SLC5A2: variants seen among roughly 807,000 people sequenced by gnomAD.
SLC5A2 encodes sodium/glucose cotransporter 2.
A neutral mutation model predicts 69.0 loss-of-function variants in SLC5A2; 67 were observed. That is an observed-to-expected ratio of 0.97 (90% CI 0.80 to 1.19). The LOEUF (loss-of-function observed/expected upper bound fraction) is 1.19. Among genes scored for constraint, SLC5A2 ranks in the 50% most tolerant of loss-of-function variants. SLC5A2 has a pLI of 0.00. For missense variants in SLC5A2, 1,001 were observed against 921.5 expected (o/e 1.09, Z -1.12); for synonymous variants, 455 against 395.8 (o/e 1.15, Z -1.78).
At chr16:31,485,136 G>C in intron 3 of SLC5A2, 1 of 650,200 alleles carries the variant, frequency 1.5e-6, no homozygotes, top group Non-Finnish European at 2.8e-6. Flanking sequence ...GACTTGCCAT[G>C]TGAGCCAGCC....
Position 31,485,873 on chromosome 16 carries a change from T to A in SLC5A2, c.448T>A (p.Tyr150Asn). 1 of 1,613,632 alleles carries A rather than the reference T, an allele frequency of 6.2e-7. No homozygotes were observed. The highest frequency in any genetic ancestry group is 1.1e-5 in the South Asian group (1 of 91,084). ...LYLSVLSLFL[Y>N]IFTKISVDMF... is the part of the protein sequence containing the mutation. Reference sequence around the variant, plus strand: ...CCTGTCTGTGCTCTCCCTTTTCCTGTACATCTTCACCAAGATCTCAGTGAG... The same window carrying A: ...CCTGTCTGTGCTCTCCCTTTTCCTGAACATCTTCACCAAGATCTCAGTGAG... The change falls in exon 4 of 14, where the codon TAC becomes AAC. Residue 150 changes from tyrosine to asparagine, a missense_variant. Transcript: ENST00000330498.
At position 31,490,573 on chromosome 16, in the gene SLC5A2, AG is replaced by A. The variant is rs2082557529; in HGVS notation, c.*40del. 6.5e-7 allele frequency: 1 copy of A among 1,536,016 alleles called. No homozygotes were observed. Among genetic ancestry groups the A allele is most frequent in the Non-Finnish European group, 8.9e-7 (1 of 1,120,006 alleles). ...TGGACACCATAAGCCACAGCCTCACAGGAAGTGGGGGTGAGGAGCCTGCGGT... is the reference window on the plus strand; with the variant it reads ...TGGACACCATAAGCCACAGCCTCACAGAAGTGGGGGTGAGGAGCCTGCGGT... On this transcript the variant is annotated 3_prime_UTR_variant, in exon 14 of 14. Transcript: ENST00000330498.
chr16:31,485,560 CTCTGT>C (rs761106829), intron 3 of SLC5A2, 164 bp from the exon 4 acceptor site: 293 of 724,834 alleles, frequency 4.0e-4, no homozygotes, highest in Non-Finnish European at 5.8e-4. Context: ...AGGGTGTCAG[CTCTGT>C]TCCTTGGTGC....
At chr16:31,483,860 T>A (rs1450008697) in intron 1 of SLC5A2, among the ~76,000 whole-genome samples, 1 of 151,908 alleles carries the variant, frequency 6.6e-6, no homozygotes, top group Non-Finnish European at 1.5e-5. Flanking sequence ...GTGCTGGGAT[T>A]ACAGATGTGA....
chr16:31,485,345 T>C (rs1003723104), intron 3 of SLC5A2: 2 of 442,038 alleles, frequency 4.5e-6, no homozygotes, highest in Non-Finnish European at 8.4e-6. Flanking sequence ...GAGGGGAGAT[T>C]GGGCTTTGAG....
chr16:31,490,567 C>A lies in SLC5A2; in HGVS notation c.*32C>A, dbSNP rs933896617. ...CTGCGTTGGACACCATAAGCCACAGCCTCACAGGAAGTGGGGGTGAGGAGC... is the reference window on the plus strand; with the variant it reads ...CTGCGTTGGACACCATAAGCCACAGACTCACAGGAAGTGGGGGTGAGGAGC... On this transcript the variant is annotated 3_prime_UTR_variant, in exon 14 of 14. Transcript: ENST00000330498. 1 of 1,554,270 alleles carries A rather than the reference C, an allele frequency of 6.4e-7. No homozygotes were observed. Among genetic ancestry groups the A allele is most frequent in the African/African-American group, 1.4e-5 (1 of 74,020 alleles).
At chr16:31,488,266 G>A (rs979531804) in intron 8 of SLC5A2, 93 bp downstream of exon 8, 8 of 1,606,196 alleles carry the variant, frequency 5.0e-6, no homozygotes, top group African/African-American at 4.0e-5. Flanking sequence ...GTTTGGGCCC[G>A]GAGTCCCGCC....
rs142842975 is a variant in SLC5A2, at chr16:31,483,193, G to C, written c.57G>C (p.Leu19=). 6.2e-7 allele frequency: 1 copy of C among 1,613,952 alleles called. No individual in the cohort carries two copies. The highest frequency in any genetic ancestry group is 1.3e-5 in the African/African-American group (1 of 74,940). Residue 19 remains leucine, a synonymous_variant, in exon 1 of 14, where the codon CTG becomes CTC. Coordinates refer to ENST00000330498, the MANE Select transcript of SLC5A2 (RefSeq NM_003041.4). The part of the protein sequence containing the change: ...SAPEMGAQKA[L]IDNPADILVI... ...CAGAGATGGGGGCCCAGAAGGCCCTGATTGACAATCCTGCTGACATCCTAG... is the reference window on the plus strand; with the variant it reads ...CAGAGATGGGGGCCCAGAAGGCCCTCATTGACAATCCTGCTGACATCCTAG...
rs747295969 is a variant in SLC5A2, at chr16:31,487,576, G to C, written c.702G>C (p.Leu234=). ...GGYSGLFDKY[L]GAATSLTVSE... The stretch of plus-strand genomic sequence containing the variant: ...ATTCGGGTCTCTTCGACAAATACCT[G>C]GGAGCAGCGACTTCGCTGACGGTGT... The change falls in exon 7 of 14, where the codon CTG becomes CTC. Residue 234 remains leucine, a synonymous_variant. Transcript: ENST00000330498. 7.4e-6 allele frequency: 12 copies of C among 1,613,936 alleles called. No homozygotes were observed. In the East Asian group the frequency reaches 2.7e-4, roughly 36 times the overall value.
intron 1 of SLC5A2, among the ~76,000 whole-genome samples, chr16:31,483,516 A>C (rs1264812008): frequency 2.0e-5 from 3 of 152,142 alleles, no homozygotes; most frequent in African/African-American, 7.2e-5. Flanking sequence ...ATGGGGTCTC[A>C]TTCCCCTGGC....
chr16:31,484,139 C>G (rs936545804), intron 1 of SLC5A2, among the ~76,000 whole-genome samples: 1 of 151,604 alleles, frequency 6.6e-6, no homozygotes, highest in Non-Finnish European at 1.5e-5. Context: ...TGCCTCAGTA[C>G]TTTGGGAGGC....
chr16:31,483,865 A>T (rs2082474164), intron 1 of SLC5A2, among the ~76,000 whole-genome samples: 1 of 151,858 alleles, frequency 6.6e-6, no homozygotes. Flanking sequence ...GGGATTACAG[A>T]TGTGAGCCAC....
In SLC5A2 at chr16:31,486,214, C is replaced by T. The variant is rs750783013; in HGVS notation, c.513C>T (p.Gly171=). 4.0e-5 allele frequency: 64 copies of T among 1,613,926 alleles called. No homozygotes were observed. The highest frequency in any genetic ancestry group is 2.9e-5 in the Non-Finnish European group (34 of 1,179,982). ...SGAVFIQQAL[G]WNIYASVIAL... The stretch of plus-strand genomic sequence containing the variant: ...CTGTATTCATCCAGCAGGCTCTGGG[C>T]TGGAACATCTATGCCTCCGTCATCG... Residue 171 remains glycine (G), a synonymous_variant, in exon 5 of 14, where the codon GGC becomes GGT. Coordinates refer to ENST00000330498, the MANE Select transcript of SLC5A2 (RefSeq NM_003041.4).
chr16:31,488,850 C>T, intron 10 of SLC5A2, 30 bp from the exon 11 acceptor site: 1 of 1,602,798 alleles, frequency 6.2e-7, no homozygotes, highest in Non-Finnish European at 8.5e-7. Flanking sequence ...AGCCCAGGGT[C>T]CGGGTTCGAT....
rs368364383 is a variant in SLC5A2 at position 31,489,139 on chromosome 16, T to A, written c.1466T>A (p.Leu489His). ...RVNEQGAFWG[L>H]IGGLLMGLAR... ...CCTTCGCAGGGCGCCTTCTGGGGAC[T>A]CATCGGGGGCCTGCTGATGGGCCTG... The change falls in exon 12 of 14, where the codon CTC becomes CAC. Residue 489 changes from leucine (L) to histidine (H), a missense_variant. Physicochemically the swap from Leu to His is moderately conservative, Grantham distance 99. Coordinates refer to ENST00000330498, the MANE Select transcript of SLC5A2 (RefSeq NM_003041.4). 6.2e-7 allele frequency: 1 copy of A among 1,608,944 alleles called. No individual in the cohort carries two copies. Among genetic ancestry groups the A allele is most frequent in the African/African-American group, 1.3e-5 (1 of 74,950 alleles).
chr16:31,489,199 G>A lies in SLC5A2; in HGVS notation c.1526G>A (p.Gly509Asp). ...ATTCCCGAGTTCTCCTTCGGCTCGG[G>A]CAGCTGTGTGCAGCCCTCGGCGTGC... ...RLIPEFSFGSGSCVQPSACPA... is the reference protein window; with the variant it reads ...RLIPEFSFGSDSCVQPSACPA... The change falls in exon 12 of 14, where the codon GGC becomes GAC. Residue 509 changes from glycine (G) to aspartate (D), a missense_variant. Gly to Asp is a moderately conservative substitution (Grantham distance 94). Transcript: ENST00000330498. 1 of 1,610,198 alleles carries A rather than the reference G, an allele frequency of 6.2e-7. No individual in the cohort carries two copies. The highest frequency in any genetic ancestry group is 1.3e-5 in the African/African-American group (1 of 75,062).
intron 8 of SLC5A2, 29 bp from the exon 9 acceptor site, chr16:31,488,354 C>A (rs777430679): frequency 1.9e-6 from 3 of 1,608,920 alleles, no homozygotes; most frequent in Non-Finnish European, 2.5e-6. Context: ...AGGCCCCGTC[C>A]TAACGGCGCG....
intron 5 of SLC5A2, 33 bp from the exon 6 acceptor site, chr16:31,487,287 G>C: frequency 6.2e-7 from 1 of 1,608,740 alleles, no homozygotes; most frequent in Non-Finnish European, 8.5e-7. Context: ...AACATAAACA[G>C]CTGGGCTGTC....
intron 12 of SLC5A2, chr16:31,489,876 G>T: frequency 1.7e-6 from 1 of 573,836 alleles, no homozygotes; most frequent in Non-Finnish European, 3.2e-6. Flanking sequence ...GACAAAGCTG[G>T]GGGAGCAAGG....
Sources: allele counts gnomAD v4.1 joint callset (sites outside exome capture counted in the v4.1 genomes callset), GRCh38; gene constraint gnomAD v4.1.1; transcripts MANE v1.5; gene names NCBI Gene and HGNC (gene_info 2026-07-23, HGNC 2026-07-21).